Variants in FTCDNL1 observed in about 807,000 individuals in gnomAD.
FTCDNL1 encodes formiminotransferase cyclodeaminase N-terminal like, also known as formiminotransferase N-terminal subdomain-containing protein.
In FTCDNL1, 11 loss-of-function variants were observed where a neutral mutation model predicts 5.9. That is an observed-to-expected ratio of 1.87 (90% CI 1.18 to 3.10). FTCDNL1 has a LOEUF of 3.10. Among genes scored for constraint, FTCDNL1 ranks in the 30% most tolerant of loss-of-function variants. FTCDNL1 has a pLI of 0.00. For synonymous variants in FTCDNL1, 58 were observed against 24.8 expected (o/e 2.34, Z -3.99); for missense variants, 115 against 65.5 (o/e 1.76, Z -2.61).
chr2:199,838,874 C>G (rs373995440), intron 3 of FTCDNL1, among the ~76,000 whole-genome samples: 1 of 152,154 alleles, frequency 6.6e-6, no homozygotes, highest in South Asian at 2.1e-4. Context: ...ACAATCTAAA[C>G]GTTGAGATTT....
At chr2:199,829,106 A>G (rs1290363609) in intron 3 of FTCDNL1, among the ~76,000 whole-genome samples, 1 of 152,222 alleles carries the variant, frequency 6.6e-6, no homozygotes, top group Non-Finnish European at 1.5e-5. Context: ...AAAGAACATA[A>G]GGCCATCATG....
chr2:199,802,787 G>A (rs1336638567), intron 3 of FTCDNL1, among the ~76,000 whole-genome samples: 2 of 152,174 alleles, frequency 1.3e-5, no homozygotes, highest in African/African-American at 4.8e-5. Context: ...AGAGAGGGTT[G>A]TGCCTAGCAG....
At chr2:199,785,899 TG>T (rs779791459) in intron 3 of FTCDNL1, among the ~76,000 whole-genome samples, 2 of 152,164 alleles carry the variant, frequency 1.3e-5, no homozygotes, top group Non-Finnish European at 2.9e-5. Flanking sequence ...AATTTTTCCA[TG>T]GATGGCAGAT....
At chr2:199,805,713 T>G (rs1411814523), downstream of FTCDNL1, among the ~76,000 whole-genome samples, 1 of 152,032 alleles carries the variant, frequency 6.6e-6, no homozygotes, top group Non-Finnish European at 1.5e-5. Context: ...CACTCCATCC[T>G]GGGCAACAGA....
At chr2:199,695,698 C>T in the FTCDNL1 span, among the ~76,000 whole-genome samples, 1 of 152,120 alleles carries the variant, frequency 6.6e-6, no homozygotes, top group Non-Finnish European at 1.5e-5. Flanking sequence ...CTCCAGGAGA[C>T]CCCACGACCC....
chr2:199,679,758 G>C, the FTCDNL1 span, among the ~76,000 whole-genome samples: 1 of 151,776 alleles, frequency 6.6e-6, no homozygotes, highest in Non-Finnish European at 1.5e-5. Context: ...TTAGGAATTT[G>C]GTATGTTTTC....
At chr2:199,795,762 TG>T (rs1335996723) in intron 3 of FTCDNL1, among the ~76,000 whole-genome samples, 1 of 152,232 alleles carries the variant, frequency 6.6e-6, no homozygotes, top group African/African-American at 2.4e-5. Flanking sequence ...CCCTCTGTGC[TG>T]ACCTCCAAGC....
intron 3 of FTCDNL1, chr2:199,844,598 A>T (rs2106634300): frequency 2.3e-6 from 1 of 437,124 alleles, no homozygotes; most frequent in East Asian, 3.4e-5. Context: ...AAAAGCTATG[A>T]TTTTGTTGGT....
chr2:199,674,214 G>A, the FTCDNL1 span, among the ~76,000 whole-genome samples: 4 of 152,040 alleles, frequency 2.6e-5, no homozygotes, highest in African/African-American at 9.7e-5. Flanking sequence ...ACAAAATAAT[G>A]GTCATCAGGG....
intron 3 of FTCDNL1, among the ~76,000 whole-genome samples, chr2:199,779,227 C>T (rs1699238664): frequency 6.6e-6 from 1 of 152,150 alleles, no homozygotes; most frequent in South Asian, 2.1e-4. Flanking sequence ...GATATTTGCT[C>T]AAGTAAAATT....
chr2:199,782,011 C>G (rs1297310131), intron 3 of FTCDNL1, among the ~76,000 whole-genome samples: 2 of 152,100 alleles, frequency 1.3e-5, no homozygotes, highest in African/African-American at 2.4e-5. Context: ...TCTCGATCTC[C>G]TGACCTCGTG....
chr2:199,711,440 T>C, the FTCDNL1 span, among the ~76,000 whole-genome samples: 1 of 152,082 alleles, frequency 6.6e-6, no homozygotes, highest in Non-Finnish European at 1.5e-5. Flanking sequence ...TAGAAAAACA[T>C]GTATTAATAC....
intron 3 of FTCDNL1, among the ~76,000 whole-genome samples, chr2:199,832,664 A>C (rs1035484280): frequency 3.3e-5 from 5 of 152,130 alleles, no homozygotes; most frequent in Non-Finnish European, 7.4e-5. Flanking sequence ...GATATATAAA[A>C]CAGAAAAGGG....
At chr2:199,827,768 A>G (rs1275768581) in intron 3 of FTCDNL1, among the ~76,000 whole-genome samples, 1 of 152,236 alleles carries the variant, frequency 6.6e-6, no homozygotes, top group African/African-American at 2.4e-5. Context: ...GTATAACTCA[A>G]TAAATAGCTC....
chr2:199,807,636 C>T (rs1366097601), downstream of FTCDNL1, among the ~76,000 whole-genome samples: 4 of 152,060 alleles, frequency 2.6e-5, no homozygotes, highest in Non-Finnish European at 5.9e-5. Flanking sequence ...GACTCTATCT[C>T]AGAAAAAGAA....
intron 3 of FTCDNL1, among the ~76,000 whole-genome samples, chr2:199,832,754 C>G (rs2106586766): frequency 6.6e-6 from 1 of 152,258 alleles, no homozygotes; most frequent in Non-Finnish European, 1.5e-5. Context: ...AATGGAGAAT[C>G]ACTAAAAATA....
At chr2:199,716,574 TTC>T in the FTCDNL1 span, among the ~76,000 whole-genome samples, 2 of 152,136 alleles carry the variant, frequency 1.3e-5, no homozygotes, top group Non-Finnish European at 2.9e-5. Context: ...GTTTAATTGA[TTC>T]TGTTACCCTG....
chr2:199,744,165 C>T, the FTCDNL1 span, among the ~76,000 whole-genome samples: 2 of 152,136 alleles, frequency 1.3e-5, no homozygotes, highest in African/African-American at 4.8e-5. Context: ...GCTGGCGAGG[C>T]CTCAGAGATG....
At position 199,781,773 on chromosome 2, in the gene FTCDNL1, TTTTGTTTG is replaced by T. The variant is rs139790276; in HGVS notation, c.212-20946_212-20939del. On this transcript the variant is annotated intron_variant, in intron 3 of 3. Transcript: ENST00000416668. Reference sequence around the variant, plus strand: ...TGAGGTATTGTTTTTTTTTCTTGTTTTTTGTTTGTTTGTTTGTTTGTTTTGAGAAGGAG... The same window carrying T: ...TGAGGTATTGTTTTTTTTTCTTGTTTTTTGTTTGTTTGTTTTGAGAAGGAG... Among the ~76,000 whole-genome samples, 28 of 150,448 alleles carry T rather than the reference TTTTGTTTG, an allele frequency of 1.9e-4. No homozygotes were observed. In the South Asian group the frequency reaches 3.2e-3, roughly 17 times the overall value.
Sources: gnomAD v4.1 joint callset for allele counts (sites outside exome capture counted in the v4.1 genomes callset) on GRCh38, gnomAD v4.1.1 for gene constraint, MANE v1.5 for transcripts, NCBI Gene and HGNC (gene_info 2026-07-23, HGNC 2026-07-21) for gene names.